Variants in ZNF100 observed in about 807,000 individuals in gnomAD.
ZNF100 encodes zinc finger protein 100 (Y1).
Under a neutral mutation model 15.8 loss-of-function variants are expected in ZNF100, and 12 were observed. The observed-to-expected ratio is 0.76, with a 90% CI of 0.49 to 1.23. The LOEUF is 1.23. Ranked by LOEUF, ZNF100 falls within the 50% of genes most tolerant of loss-of-function variation. ZNF100 has a pLI of 0.00. For synonymous variants in ZNF100, 226 were observed against 214.8 expected, an observed-to-expected ratio of 1.05 and a Z score of -0.45; for missense variants, 670 against 635.6, an observed-to-expected ratio of 1.05 and a Z score of -0.58.
chr19:21,766,083 C>T (rs2036555870), intron 1 of ZNF100, among the ~76,000 whole-genome samples: 1 of 152,032 alleles, frequency 6.6e-6, no homozygotes, highest in Non-Finnish European at 1.5e-5. Context: ...TATTTACAAG[C>T]GGATAACACA....
chr19:21,734,038 C>A (rs950515692), intron 4 of ZNF100, among the ~76,000 whole-genome samples: 2 of 152,124 alleles, frequency 1.3e-5, no homozygotes, highest in Non-Finnish European at 2.9e-5. Context: ...CAAAAATGTC[C>A]CCACAAAAAC....
At chr19:21,729,912 A>G (rs566525492) in intron 4 of ZNF100, among the ~76,000 whole-genome samples, 1 of 152,212 alleles carries the variant, frequency 6.6e-6, no homozygotes, top group South Asian at 2.1e-4. Context: ...ATTGAAATAT[A>G]CTGTTATATC....
intron 4 of ZNF100, among the ~76,000 whole-genome samples, chr19:21,733,712 G>A (rs2035960748): frequency 6.6e-6 from 1 of 152,280 alleles, no homozygotes; most frequent in African/African-American, 2.4e-5. Context: ...AGCAGCCAGA[G>A]TGCCTTGTTA....
chr19:21,747,433 C>A (rs1432952837), intron 2 of ZNF100, among the ~76,000 whole-genome samples: 1 of 152,186 alleles, frequency 6.6e-6, no homozygotes, highest in Non-Finnish European at 1.5e-5. Context: ...GCCTCTCAAG[C>A]TTTAATGAGC....
intron 1 of ZNF100, among the ~76,000 whole-genome samples, chr19:21,766,490 A>C (rs753581736): frequency 7.9e-5 from 12 of 151,960 alleles, no homozygotes; most frequent in Admixed American, 2.6e-4. Flanking sequence ...AGGCTTAAAC[A>C]ACTATAAACT....
At chr19:21,760,405 G>T (rs1335190826) in intron 2 of ZNF100, among the ~76,000 whole-genome samples, 2 of 151,176 alleles carry the variant, frequency 1.3e-5, no homozygotes, top group African/African-American at 4.9e-5. Context: ...TGAGGCGGGA[G>T]AATCGCTTGA....
At chr19:21,750,627 G>GGGAGGCGGAGGC (rs141946434) in intron 2 of ZNF100, 3 of 189,856 alleles carry the variant, frequency 1.6e-5, no homozygotes, top group Non-Finnish European at 3.2e-5. Context: ...AGTCAGCTTG[G>GGGAGGCGGAGGC]GGAGGCGGAG....
rs1187500513 is a variant in ZNF100, at chr19:21,723,915, ATGAAG to A, written c.*2763_*2767del. The A allele has an allele frequency of 1.3e-5, 2 of 152,216 alleles. No individual in the cohort carries two copies. Among genetic ancestry groups the A allele is most frequent in the African/African-American group, 2.4e-5 (1 of 41,456 alleles). The allele number at this position is 152,216 out of a possible 1,614,324, so 9.4% of individuals were successfully genotyped here. A position where few individuals can be genotyped will look rare whatever the true frequency, so the allele number is the denominator to read the frequency against. On this transcript the variant is annotated 3_prime_UTR_variant, in exon 5 of 5. Coordinates refer to ENST00000358296, the MANE Select transcript of ZNF100 (RefSeq NM_173531.4). ...ATAGAGTTCTCCAACTAAAAACAAA[ATGAAG>A]TGTTCTAACTAAATAAAATGTAACT...
intron 2 of ZNF100, among the ~76,000 whole-genome samples, chr19:21,747,809 T>C (rs78985149): frequency 0.054 from 8,207 of 152,328 alleles, 241 homozygotes; most frequent in African/African-American, 0.087. Flanking sequence ...AAGCAGGTAC[T>C]ATGTGCTCAA....
At chr19:21,752,557 A>G (rs1262644761) in intron 2 of ZNF100, 1 of 78,238 alleles carries the variant, frequency 1.3e-5, no homozygotes, top group African/African-American at 4.3e-5. Context: ...GCGGTCATAA[A>G]CAAAGGAAGT....
intron 2 of ZNF100, among the ~76,000 whole-genome samples, chr19:21,749,659 C>T (rs996960832): frequency 5.3e-5 from 8 of 152,306 alleles, no homozygotes; most frequent in Admixed American, 5.2e-4. Context: ...CTTGATCTCT[C>T]ACTCTTAAGA....
chr19:21,762,410 T>C (rs1167218294), intron 2 of ZNF100, among the ~76,000 whole-genome samples: 6 of 152,242 alleles, frequency 3.9e-5, no homozygotes, highest in Non-Finnish European at 8.8e-5. Context: ...TTTGCTTTAC[T>C]GTTGTAGAAT....
chr19:21,755,157 C>A (rs1276704921), intron 2 of ZNF100, among the ~76,000 whole-genome samples: 1 of 151,870 alleles, frequency 6.6e-6, no homozygotes, highest in African/African-American at 2.4e-5. Context: ...ACTAAAAATA[C>A]AAACTTAGCC....
chr19:21,736,858 GACAATATACC>G (rs1315357884), intron 4 of ZNF100, among the ~76,000 whole-genome samples: 1 of 152,076 alleles, frequency 6.6e-6, no homozygotes, highest in Non-Finnish European at 1.5e-5. Flanking sequence ...AGAACAAAGA[GACAATATACC>G]AGAATCTCTG....
intron 2 of ZNF100, among the ~76,000 whole-genome samples, chr19:21,760,705 T>TCTG (rs2036468425): frequency 6.6e-6 from 1 of 151,686 alleles, no homozygotes; most frequent in Admixed American, 6.6e-5. Context: ...AATGCAAGTT[T>TCTG]CTGATAACAT....
At position 21,725,786 on chromosome 19, in the gene ZNF100, T is replaced by C. The variant is rs2035770075; in HGVS notation, c.*897A>G. The C allele has an allele frequency of 6.6e-6, 1 of 152,190 alleles. No individual in the cohort carries two copies. 9.4% of individuals were successfully genotyped at this position (152,190 alleles called of 1,614,324 possible). ...TTACCAATTTTAGTTTTAGATTATT[T>C]TCTATACTCAGCACTCTGATTTAGT... is the stretch of plus-strand genomic sequence containing the variant. On this transcript the variant is annotated 3_prime_UTR_variant, in exon 5 of 5. Coordinates refer to ENST00000358296, the MANE Select transcript of ZNF100 (RefSeq NM_173531.4).
chr19:21,731,867 T>C (rs912887906), intron 4 of ZNF100, among the ~76,000 whole-genome samples: 39 of 152,310 alleles, frequency 2.6e-4, no homozygotes, highest in African/African-American at 6.0e-4. Flanking sequence ...TTGTTGTACA[T>C]TGAGATTTAG....
intron 2 of ZNF100, among the ~76,000 whole-genome samples, chr19:21,758,453 G>A (rs1243220081): frequency 6.6e-6 from 1 of 152,206 alleles, no homozygotes; most frequent in East Asian, 1.9e-4. Flanking sequence ...AGAATGCAGT[G>A]TAAGTGGATT....
Position 21,726,401 on chromosome 19 carries a change from CAAGT to C in ZNF100, c.*278_*281del, listed in dbSNP as rs1458917531. On this transcript the variant is annotated 3_prime_UTR_variant, in exon 5 of 5. Coordinates refer to ENST00000358296, the MANE Select transcript of ZNF100 (RefSeq NM_173531.4). ...CAGTATAACTTACCTTACCTACAAT[CAAGT>C]GTGACAACCATTTAAAACTTTATCA... is the stretch of plus-strand genomic sequence containing the variant. 8.2e-6 allele frequency: 3 copies of C among 366,838 alleles called. No individual in the cohort carries two copies. The highest frequency in any genetic ancestry group is 1.5e-5 in the Non-Finnish European group (3 of 205,002). 22.7% of individuals were successfully genotyped at this position (366,838 alleles called of 1,614,324 possible). A position where few individuals can be genotyped will look rare whatever the true frequency, so the allele number is the denominator to read the frequency against.
Sources: gnomAD v4.1 joint callset for allele counts (sites outside exome capture counted in the v4.1 genomes callset) on GRCh38, gnomAD v4.1.1 for gene constraint, MANE v1.5 for transcripts, NCBI Gene and HGNC (gene_info 2026-07-23, HGNC 2026-07-21) for gene names.